The following EYA4 variants were observed in gnomAD, a reference collection of about 807,000 sequenced individuals.
EYA4 encodes the protein protein phosphatase EYA4.
Under a neutral mutation model 87.9 loss-of-function variants are expected in EYA4, and 31 were observed. The observed-to-expected ratio is 0.35, with a 90% CI of 0.27 to 0.48. The LOEUF is 0.48. Ranked by LOEUF, EYA4 falls within the 20% of genes least tolerant of loss-of-function variation. The pLI is 0.99. For synonymous variants in EYA4, 263 were observed against 270.6 expected (o/e 0.97, Z 0.28); for missense variants, 678 against 761.4 (o/e 0.89, Z 1.29).
At chr6:133,437,186 G>T (rs531881961) in intron 3 of EYA4, among the ~76,000 whole-genome samples, 12 of 152,254 alleles carry the variant, frequency 7.9e-5, no homozygotes, top group Non-Finnish European at 1.5e-4. Flanking sequence ...AAACATCCTG[G>T]AAAGAAAGAA....
chr6:133,308,574 T>C (rs1266123477), intron 2 of EYA4, among the ~76,000 whole-genome samples: 1 of 152,206 alleles, frequency 6.6e-6, no homozygotes, highest in Non-Finnish European at 1.5e-5. Flanking sequence ...CCAGTGTCTG[T>C]TGTTACCATC....
At chr6:133,435,854 GACACAA>G (rs1791615469) in intron 3 of EYA4, among the ~76,000 whole-genome samples, 1 of 148,524 alleles carries the variant, frequency 6.7e-6, no homozygotes, top group Non-Finnish European at 1.5e-5. Context: ...CACACACACA[GACACAA>G]ACATGTGTGC....
intron 1 of EYA4, among the ~76,000 whole-genome samples, chr6:133,271,868 A>T (rs1223200322): frequency 6.6e-6 from 1 of 152,204 alleles, no homozygotes; most frequent in Admixed American, 6.5e-5. Flanking sequence ...CTGCTGAAGT[A>T]ACCCATTTGT....
At chr6:133,348,194 C>T (rs1173213177) in intron 2 of EYA4, among the ~76,000 whole-genome samples, 2 of 151,100 alleles carry the variant, frequency 1.3e-5, no homozygotes, top group African/African-American at 2.4e-5. Flanking sequence ...ATTTTGAAGC[C>T]TTCAGACCCA....
chr6:133,488,924 T>G (rs967723804), intron 13 of EYA4, among the ~76,000 whole-genome samples: 2 of 152,192 alleles, frequency 1.3e-5, no homozygotes, highest in Admixed American at 6.5e-5. Context: ...AAGGCACCAG[T>G]GATCAATCCT....
At chr6:133,499,851 G>A (rs1043770984) in intron 13 of EYA4, among the ~76,000 whole-genome samples, 4 of 151,864 alleles carry the variant, frequency 2.6e-5, no homozygotes, top group South Asian at 2.1e-4. Flanking sequence ...CAGTGATCAC[G>A]CTGGCTCAAG....
At chr6:133,327,847 G>A (rs1781622927) in intron 2 of EYA4, among the ~76,000 whole-genome samples, 1 of 152,188 alleles carries the variant, frequency 6.6e-6, no homozygotes, top group African/African-American at 2.4e-5. Flanking sequence ...AAAAGATTAG[G>A]TAGGAAGCCA....
chr6:133,249,522 T>C (rs983948713), intron 1 of EYA4, among the ~76,000 whole-genome samples: 1 of 152,194 alleles, frequency 6.6e-6, no homozygotes. Context: ...GCAGGGAAGA[T>C]AACCCTTCAT....
intron 2 of EYA4, among the ~76,000 whole-genome samples, chr6:133,287,866 G>A (rs1778187629): frequency 1.3e-5 from 2 of 152,278 alleles, no homozygotes; most frequent in African/African-American, 2.4e-5. Context: ...CGGGCACGGT[G>A]GCTCATGCCT....
At chr6:133,387,266 A>C (rs965721752) in intron 3 of EYA4, among the ~76,000 whole-genome samples, 15 of 152,224 alleles carry the variant, frequency 9.9e-5, no homozygotes, top group African/African-American at 3.4e-4. Flanking sequence ...CGGAAGACTG[A>C]AATGTTTATC....
intron 1 of EYA4, among the ~76,000 whole-genome samples, chr6:133,243,715 A>C (rs1428363947): frequency 1.3e-5 from 2 of 151,636 alleles, no homozygotes; most frequent in Non-Finnish European, 2.9e-5. Flanking sequence ...AGAACCAAAA[A>C]CTAGAGGGGG....
intron 13 of EYA4, among the ~76,000 whole-genome samples, chr6:133,490,434 A>G (rs982995707): frequency 5.3e-5 from 8 of 152,020 alleles, no homozygotes; most frequent in African/African-American, 1.9e-4. Flanking sequence ...TCTCTTGCCT[A>G]CAAGAAATAC....
intron 2 of EYA4, among the ~76,000 whole-genome samples, chr6:133,341,325 C>A (rs1184850479): frequency 2.0e-5 from 3 of 152,166 alleles, no homozygotes; most frequent in African/African-American, 4.8e-5. Context: ...AGGTTAAATT[C>A]ATTCACCTGT....
At chr6:133,310,529 T>C (rs1780136937) in intron 2 of EYA4, among the ~76,000 whole-genome samples, 1 of 152,224 alleles carries the variant, frequency 6.6e-6, no homozygotes, top group Non-Finnish European at 1.5e-5. Flanking sequence ...TAAAGAAAAA[T>C]GTATCATATA....
chr6:133,299,580 C>T lies in EYA4; in HGVS notation c.33+24767C>T, dbSNP rs534174854. ...CACAAAAATTAGCCAGGTGTAGTGG[C>T]GGGCGCCTGTGGTCCCAGCTACTCG... On this transcript the variant is annotated intron_variant, in intron 2 of 19. Coordinates refer to ENST00000355286, the MANE Select transcript of EYA4 (RefSeq NM_004100.5). Among the ~76,000 whole-genome samples, 481 of 151,600 alleles carry T rather than the reference C, an allele frequency of 3.2e-3. 2 individuals carry two copies. The highest frequency in any genetic ancestry group is 9.4e-3 in the African/African-American group (388 of 41,348).
At position 133,528,859 on chromosome 6, in the gene EYA4, T is replaced by A; in HGVS notation, c.*54T>A. ...TTATATTTCAAGTACACTGAATTTT[T>A]ATGTGTGATTCAATGCCTCTGGCTC... On this transcript the variant is annotated 3_prime_UTR_variant, in exon 20 of 20. Transcript: ENST00000355286. 6.2e-7 allele frequency: 1 copy of A among 1,611,628 alleles called. No individual in the cohort carries two copies. Among genetic ancestry groups the A allele is most frequent in the Non-Finnish European group, 8.5e-7 (1 of 1,178,216 alleles).
At chr6:133,446,522 T>A (rs1229671344) in intron 3 of EYA4, 108 bp from the exon 4 acceptor site, 1 of 1,288,726 alleles carries the variant, frequency 7.8e-7, no homozygotes, top group East Asian at 2.4e-5. Context: ...TAGATACTGG[T>A]TTTAATTATT....
intron 14 of EYA4, among the ~76,000 whole-genome samples, chr6:133,506,719 A>G (rs559183318): frequency 1.8e-4 from 28 of 152,086 alleles, no homozygotes; most frequent in Non-Finnish European, 3.2e-4. Flanking sequence ...TTTAAAAATT[A>G]TGTTTCTATT....
intron 2 of EYA4, among the ~76,000 whole-genome samples, chr6:133,372,688 C>A (rs1002154767): frequency 4.0e-5 from 6 of 151,350 alleles, no homozygotes; most frequent in Non-Finnish European, 8.9e-5. Flanking sequence ...AAGATAAAAT[C>A]TGTAAAATTC....
Sources: allele counts gnomAD v4.1 joint callset (sites outside exome capture counted in the v4.1 genomes callset), GRCh38; gene constraint gnomAD v4.1.1; transcripts MANE v1.5; gene names NCBI Gene and HGNC (gene_info 2026-07-23, HGNC 2026-07-21).